CYTH1: variants seen among roughly 807,000 people sequenced by gnomAD.
CYTH1 encodes the protein cytohesin-1.
In CYTH1, 18 loss-of-function variants were observed where a neutral mutation model predicts 61.8. The ratio of observed to expected loss-of-function variants is 0.29; its 90% CI spans 0.20 to 0.43. CYTH1 has a LOEUF of 0.43. Ranked by LOEUF, CYTH1 falls within the 20% of genes least tolerant of loss-of-function variation. CYTH1 has a pLI of 1.00. For synonymous variants in CYTH1, 174 were observed against 184.3 expected (o/e 0.94, Z 0.45); for missense variants, 336 against 510.5 (o/e 0.66, Z 3.29).
chr17:78,730,813 C>T lies in CYTH1; in HGVS notation c.23-21081G>A, dbSNP rs1009327209. Among the ~76,000 whole-genome samples, 53 of 151,838 alleles carry T rather than the reference C, an allele frequency of 3.5e-4. 1 individual carries two copies. Among genetic ancestry groups the T allele is most frequent in the African/African-American group, 1.2e-3 (50 of 41,418 alleles). ...CCGAGTGGCTGGGACTACAGGCGCC[C>T]GCCACCACGCCCGGCTAATTTTTTG... On this transcript the variant is annotated intron_variant, in intron 1 of 13. Coordinates refer to ENST00000446868, the MANE Select transcript of CYTH1 (RefSeq NM_004762.6).
rs1250160161 is a variant in CYTH1, at chr17:78,675,734, G to C, written c.*357C>G. ...TGGACACATGTATTTATGGTGCAGGGTTTGAAGGCTTCTTCACGGGGACAA... is the reference window on the plus strand; with the variant it reads ...TGGACACATGTATTTATGGTGCAGGCTTTGAAGGCTTCTTCACGGGGACAA... On this transcript the variant is annotated 3_prime_UTR_variant, in exon 14 of 14. Coordinates refer to ENST00000446868, the MANE Select transcript of CYTH1 (RefSeq NM_004762.6). 4 of 612,530 alleles carry C rather than the reference G, an allele frequency of 6.5e-6. No homozygotes were observed. Among genetic ancestry groups the C allele is most frequent in the Non-Finnish European group, 1.1e-5 (4 of 371,780 alleles). 37.9% of individuals were successfully genotyped at this position (612,530 alleles called of 1,614,324 possible). A position where few individuals can be genotyped will look rare whatever the true frequency, so the allele number is the denominator to read the frequency against.
intron 1 of CYTH1, among the ~76,000 whole-genome samples, chr17:78,738,514 C>A (rs908890748): frequency 6.6e-6 from 1 of 152,090 alleles, no homozygotes; most frequent in Non-Finnish European, 1.5e-5. Flanking sequence ...GACAACGGGG[C>A]GCTGTCTCCA....
chr17:78,690,515 T>C (rs977311695), intron 11 of CYTH1, among the ~76,000 whole-genome samples: 14 of 138,098 alleles, frequency 1.0e-4, no homozygotes, highest in African/African-American at 3.0e-4. Context: ...CCCCATCCCA[T>C]CTCTACTTAA....
chr17:78,700,881 T>G lies in CYTH1; in HGVS notation c.438-438A>C, dbSNP rs1459023679. Among the ~76,000 whole-genome samples the G allele has an allele frequency of 6.6e-6, 1 of 152,158 alleles. No individual in the cohort carries two copies. Among genetic ancestry groups the G allele is most frequent in the Non-Finnish European group, 1.5e-5 (1 of 68,030 alleles). On this transcript the variant is annotated intron_variant, in intron 6 of 13. Coordinates refer to ENST00000446868, the MANE Select transcript of CYTH1 (RefSeq NM_004762.6). The surrounding 1 kb of genome is among the most constrained non-coding windows in gnomAD (Gnocchi z 5.1). ...AAGGGAACCCTGCTGGGCTGCAGCC[T>G]TCTGTTACTGTAACTCTGAACAGAT...
At chr17:78,769,232 GT>G (rs2093461071) in intron 1 of CYTH1, among the ~76,000 whole-genome samples, 1 of 151,772 alleles carries the variant, frequency 6.6e-6, no homozygotes, top group Non-Finnish European at 1.5e-5. Context: ...TAAGTCCTGT[GT>G]AACAACACAT....
At chr17:78,710,533 T>C (rs563210532) in intron 1 of CYTH1, among the ~76,000 whole-genome samples, 14 of 152,266 alleles carry the variant, frequency 9.2e-5, no homozygotes, top group South Asian at 2.1e-4. Flanking sequence ...TGGGAAGCCA[T>C]GTGGGCAAAT....
At chr17:78,696,975 G>A (rs1374140996) in intron 9 of CYTH1, among the ~76,000 whole-genome samples, 1 of 152,080 alleles carries the variant, frequency 6.6e-6, no homozygotes, top group East Asian at 1.9e-4. Flanking sequence ...AGATTCTGGG[G>A]GCTTAAAGAT....
chr17:78,775,091 C>T (rs2093485774), intron 1 of CYTH1, among the ~76,000 whole-genome samples: 2 of 152,204 alleles, frequency 1.3e-5, no homozygotes, highest in East Asian at 1.9e-4. Context: ...CCTGCAGTCA[C>T]CCCAGCTCCC....
intron 1 of CYTH1, among the ~76,000 whole-genome samples, chr17:78,716,764 T>C (rs952312119): frequency 6.6e-5 from 10 of 152,178 alleles, no homozygotes; most frequent in African/African-American, 2.4e-4. Flanking sequence ...AGAAAAAACA[T>C]CCAAAAACAA....
chr17:78,744,896 A>G (rs970230096), intron 1 of CYTH1, among the ~76,000 whole-genome samples: 2 of 152,086 alleles, frequency 1.3e-5, no homozygotes, highest in African/African-American at 2.4e-5. Flanking sequence ...TTTTATGTAC[A>G]CAATTTGCAT....
intron 1 of CYTH1, among the ~76,000 whole-genome samples, chr17:78,757,867 G>A (rs888896331): frequency 1.3e-5 from 2 of 151,250 alleles, no homozygotes; most frequent in African/African-American, 2.4e-5. Context: ...AGCCAAGATC[G>A]CACCACTGCA....
At chr17:78,726,003 G>A (rs1004503668) in intron 1 of CYTH1, among the ~76,000 whole-genome samples, 3 of 148,170 alleles carry the variant, frequency 2.0e-5, no homozygotes, top group South Asian at 2.1e-4. Context: ...AAACATGAAC[G>A]TTTTAAAAAA....
intron 1 of CYTH1, among the ~76,000 whole-genome samples, chr17:78,741,299 C>T (rs1033154901): frequency 2.6e-5 from 4 of 151,936 alleles, no homozygotes; most frequent in Non-Finnish European, 4.4e-5. Flanking sequence ...CTTTGGGAGG[C>T]CAAGGTGGGA....
intron 5 of CYTH1, 123 bp from the exon 6 acceptor site, chr17:78,701,874 C>T: frequency 1.1e-6 from 1 of 928,580 alleles, no homozygotes; most frequent in Non-Finnish European, 1.7e-6. Flanking sequence ...CCCAGACAGC[C>T]ACTTGTGCAC....
chr17:78,760,513 A>ATG lies in CYTH1; in HGVS notation c.22+21688_22+21689insCA, dbSNP rs1567879628. On this transcript the variant is annotated intron_variant, in intron 1 of 13. Transcript: ENST00000446868. ...TATATATATACATATATATGTATAT[A>ATG]TATGTATATATATATATACATACAT... is the stretch of plus-strand genomic sequence containing the variant. Among the ~76,000 whole-genome samples, 220 of 50,702 alleles carry ATG rather than the reference A, an allele frequency of 4.3e-3. 7 individuals are homozygous for ATG. Among genetic ancestry groups the ATG allele is most frequent in the African/African-American group, 0.017 (209 of 12,190 alleles). 33.3% of individuals were successfully genotyped at this position (50,702 alleles called of 152,430 possible).
chr17:78,690,553 G>A (rs773800962), intron 11 of CYTH1, among the ~76,000 whole-genome samples: 25 of 151,362 alleles, frequency 1.7e-4, no homozygotes, highest in Non-Finnish European at 3.1e-4. Flanking sequence ...AAAAAAAAAC[G>A]GATGTGGTGG....
intron 1 of CYTH1, among the ~76,000 whole-genome samples, chr17:78,765,877 T>A (rs1432607348): frequency 6.6e-6 from 1 of 152,052 alleles, no homozygotes; most frequent in Non-Finnish European, 1.5e-5. Context: ...AAAGTCTATT[T>A]TTGAACCTGC....
rs1472554385 is a variant in CYTH1 at position 78,700,074 on chromosome 17, T to C, written c.550+257A>G. Among the ~76,000 whole-genome samples the C allele has an allele frequency of 6.6e-6, 1 of 152,134 alleles. No individual in the cohort carries two copies. Among genetic ancestry groups the C allele is most frequent in the African/African-American group, 2.4e-5 (1 of 41,428 alleles). On this transcript the variant is annotated intron_variant, in intron 7 of 13. Transcript: ENST00000446868. The surrounding 1 kb of genome is among the most constrained non-coding windows in gnomAD (Gnocchi z 5.1). ...CCACCCAAGGTGCTGACATTACCAG[T>C]GTGAGCCACTGCATGCAGCTAAAAC...
chr17:78,683,112 C>T (rs926003881), intron 11 of CYTH1, among the ~76,000 whole-genome samples: 2 of 152,052 alleles, frequency 1.3e-5, no homozygotes, highest in South Asian at 4.1e-4. Flanking sequence ...TCACTTCTAC[C>T]ATGCTTTGAA....
Sources: allele counts gnomAD v4.1 joint callset (sites outside exome capture counted in the v4.1 genomes callset), GRCh38; gene constraint gnomAD v4.1.1; non-coding constraint Gnocchi (gnomAD v3.1); transcripts MANE v1.5; gene names NCBI Gene and HGNC (gene_info 2026-07-23, HGNC 2026-07-21).